NRG4: variants seen among roughly 807,000 people sequenced by gnomAD.
The protein encoded by NRG4 is pro-neuregulin-4, membrane-bound isoform.
A neutral mutation model predicts 15.0 loss-of-function variants in NRG4; 10 were observed. The ratio of observed to expected loss-of-function variants is 0.67; its 90% CI spans 0.41 to 1.13. The LOEUF is 1.13. Ranked by LOEUF, NRG4 falls within the 50% of genes most tolerant of loss-of-function variation. The probability of loss-of-function intolerance (pLI) is 0.00; values close to 1 mark genes in which losing one functional copy is unlikely to be tolerated. For synonymous variants in NRG4, 41 were observed against 50.1 expected (o/e 0.82, Z 0.77); for missense variants, 139 against 140.2 (o/e 0.99, Z 0.04).
At chr15:75,992,927 T>TTA (rs34632246) in intron 3 of NRG4, among the ~76,000 whole-genome samples, 1 of 151,840 alleles carries the variant, frequency 6.6e-6, no homozygotes, top group African/African-American at 2.4e-5. Context: ...TTTTTTTTTT[T>TTA]ACCACTTTTT....
chr15:76,055,039 G>A (rs1395804451), intron 2 of NRG4, among the ~76,000 whole-genome samples: 1 of 152,084 alleles, frequency 6.6e-6, no homozygotes, highest in Non-Finnish European at 1.5e-5. Flanking sequence ...CAGCACTTTG[G>A]GAGGCTGAGG....
Position 76,009,299 on chromosome 15 carries a change from A to G in NRG4, c.11-6T>C, listed in dbSNP as rs1407608421. On this transcript the variant is annotated splice_polypyrimidine_tract_variant and splice_region_variant and intron_variant, in intron 2 of 5. Coordinates refer to ENST00000394907, the MANE Select transcript of NRG4 (RefSeq NM_138573.4). ...ACCACAGGGCTCTTCGTGATCTAGA[A>G]CACATACATATATAAAATAGAGAAA... is the stretch of plus-strand genomic sequence containing the variant. 1.4e-6 allele frequency: 2 copies of G among 1,439,626 alleles called. No homozygotes were observed. The highest frequency in any genetic ancestry group is 1.9e-6 in the Non-Finnish European group (2 of 1,048,130). The allele number at this position is 1,439,626 out of a possible 1,614,324, so 89.2% of individuals were successfully genotyped here. A position where few individuals can be genotyped will look rare whatever the true frequency, so the allele number is the denominator to read the frequency against.
intron 2 of NRG4, 34 bp downstream of exon 2, chr15:76,011,187 A>G (rs962486240): frequency 2.2e-6 from 3 of 1,378,416 alleles, no homozygotes; most frequent in Non-Finnish European, 2.9e-6. Context: ...ATGGACACAT[A>G]TTGACAAAAA....
chr15:76,052,248 G>A (rs2036037168), intron 3 of NRG4: 1 of 149,812 alleles, frequency 6.7e-6, no homozygotes, highest in African/African-American at 2.5e-5. Flanking sequence ...AAGGAAAGTA[G>A]AATATATATG....
At chr15:75,999,114 T>C (rs557920628) in intron 3 of NRG4, among the ~76,000 whole-genome samples, 101 of 152,280 alleles carry the variant, frequency 6.6e-4, no homozygotes, top group African/African-American at 2.3e-3. Flanking sequence ...TATAACAAAG[T>C]TGGCATCTCA....
At chr15:76,013,603 T>C (rs1291356729), upstream of NRG4, among the ~76,000 whole-genome samples, 3 of 152,206 alleles carry the variant, frequency 2.0e-5, no homozygotes, top group African/African-American at 7.2e-5. Flanking sequence ...TTTGGTTTTC[T>C]GTTCTTGTGT....
intron 5 of NRG4, among the ~76,000 whole-genome samples, chr15:76,027,220 G>C (rs1256060670): frequency 6.6e-6 from 1 of 152,236 alleles, no homozygotes; most frequent in East Asian, 1.9e-4. Flanking sequence ...GACTGAAAGT[G>C]AAGGGATGGA....
chr15:76,036,412 C>T lies in NRG4; in HGVS notation c.-104-421G>A, dbSNP rs576187425. Among the ~76,000 whole-genome samples the T allele has an allele frequency of 3.9e-5, 6 of 152,222 alleles. No individual in the cohort carries two copies. The South Asian group carries it at 1.2e-3, about 32-fold the overall frequency. ...TCACCAACCATTCAAAGTATCATCA[C>T]TTCCCAGCAACCCTCAACTCATAGT... On this transcript the variant is annotated intron_variant, in intron 4 of 8. Coordinates refer to the NRG4 transcript ENST00000563910.
In NRG4 at chr15:75,997,686, C is replaced by T. The variant is rs2034264783; in HGVS notation, c.104+11514G>A. Among the ~76,000 whole-genome samples, 3 of 152,230 alleles carry T rather than the reference C, an allele frequency of 2.0e-5. No homozygotes were observed. In the South Asian group the frequency reaches 6.2e-4, roughly 32 times the overall value. On this transcript the variant is annotated intron_variant, in intron 3 of 5. Coordinates refer to ENST00000394907, the MANE Select transcript of NRG4 (RefSeq NM_138573.4). ...GACTTCATACAATGAAAGTTTAATC[C>T]TTGCTCACACTACTGTCTAATGCCC...
intron 3 of NRG4, among the ~76,000 whole-genome samples, chr15:75,990,087 A>G (rs1031340332): frequency 2.6e-5 from 4 of 152,156 alleles, no homozygotes; most frequent in Admixed American, 6.5e-5. Context: ...ATGTAAACAC[A>G]TCGCAGCCCT....
intron 3 of NRG4, among the ~76,000 whole-genome samples, chr15:75,988,779 C>G (rs1293116352): frequency 1.3e-5 from 2 of 151,452 alleles, no homozygotes; most frequent in African/African-American, 4.9e-5. Context: ...ACCACAAACA[C>G]CCTGAGGAAT....
chr15:75,959,848 T>A (rs2032430944), intron 4 of NRG4, among the ~76,000 whole-genome samples: 1 of 152,168 alleles, frequency 6.6e-6, no homozygotes, highest in Admixed American at 6.5e-5. Flanking sequence ...AGTAGTGATG[T>A]GTGTCACTTC....
At chr15:76,001,476 T>C (rs2034415365) in intron 3 of NRG4, among the ~76,000 whole-genome samples, 1 of 152,236 alleles carries the variant, frequency 6.6e-6, no homozygotes. Context: ...TGATACTCAT[T>C]GCACATCTCC....
intron 5 of NRG4, among the ~76,000 whole-genome samples, chr15:75,947,472 A>G (rs1347849483): frequency 1.3e-5 from 2 of 152,152 alleles, no homozygotes; most frequent in African/African-American, 4.8e-5. Flanking sequence ...CCTAACTTTC[A>G]AAATATTCTT....
chr15:76,059,464 G>A (rs1484025099), intron 1 of NRG4, among the ~76,000 whole-genome samples: 2 of 152,200 alleles, frequency 1.3e-5, no homozygotes, highest in African/African-American at 2.4e-5. Flanking sequence ...GCGCCAAAGC[G>A]ACGGGAGGTT....
upstream of NRG4, chr15:76,060,092 G>T (rs1423001250): frequency 1.4e-5 from 2 of 142,460 alleles, no homozygotes; most frequent in Non-Finnish European, 3.1e-5. Context: ...GGGGCGGGGG[G>T]TGGGGGGACC....
intron 3 of NRG4, among the ~76,000 whole-genome samples, chr15:75,984,971 T>C (rs1005689657): frequency 1.3e-5 from 2 of 152,062 alleles, no homozygotes; most frequent in Admixed American, 6.6e-5. Context: ...CAGCCTCCCA[T>C]GTAGCTGTGA....
chr15:76,003,426 A>G (rs1023563262), intron 3 of NRG4, among the ~76,000 whole-genome samples: 15 of 152,162 alleles, frequency 9.9e-5, no homozygotes, highest in Non-Finnish European at 4.4e-5. Context: ...GAAAGTGAAC[A>G]GAGCCTAAGG....
At chr15:76,010,341 C>G in intron 2 of NRG4, among the ~76,000 whole-genome samples, 1 of 152,054 alleles carries the variant, frequency 6.6e-6, no homozygotes, top group East Asian at 1.9e-4. Context: ...AATGGCATTA[C>G]TCTCCCACTG....
Sources: allele counts gnomAD v4.1 joint callset (sites outside exome capture counted in the v4.1 genomes callset), GRCh38; gene constraint gnomAD v4.1.1; transcripts MANE v1.5; gene names NCBI Gene and HGNC (gene_info 2026-07-23, HGNC 2026-07-21).